Variants in SULT6B1 observed in about 807,000 individuals in gnomAD.
SULT6B1 encodes the protein sulfotransferase family 6B member 1.
Under a neutral mutation model 37.2 loss-of-function variants are expected in SULT6B1, and 44 were observed. That is an observed-to-expected ratio of 1.18 (90% CI 0.93 to 1.52). The LOEUF (loss-of-function observed/expected upper bound fraction) is 1.52. SULT6B1 is among the 40% of genes most tolerant of loss of function. The probability of loss-of-function intolerance (pLI) is 0.00; values close to 1 mark genes in which losing one functional copy is unlikely to be tolerated. For synonymous variants in SULT6B1, 140 were observed against 126.0 expected, an observed-to-expected ratio of 1.11 and a Z score of -0.74; for missense variants, 450 against 361.0, an observed-to-expected ratio of 1.25 and a Z score of -2.00.
intron 5 of SULT6B1, among the ~76,000 whole-genome samples, chr2:37,172,728 G>T (rs562446047): frequency 2.6e-5 from 4 of 152,140 alleles, no homozygotes; most frequent in Non-Finnish European, 5.9e-5. Flanking sequence ...GGCTGGTCTC[G>T]AACTCCTGAC....
At chr2:37,177,411 C>CAAAAAAAAAAAAAAAAAAAAAAAAAAAAA (rs57205863) in intron 4 of SULT6B1, among the ~76,000 whole-genome samples, 1 of 76,294 alleles carries the variant, frequency 1.3e-5, no homozygotes, top group Non-Finnish European at 2.4e-5. Flanking sequence ...AATCTTGTCT[C>CAAAAAAAAAAAAAAAAAAAAAAAAAAAAA]AAAAAAAAAA....
chr2:37,171,771 C>G (rs1205074985), intron 5 of SULT6B1, among the ~76,000 whole-genome samples, 181 bp from the exon 6 acceptor site: 8 of 152,060 alleles, frequency 5.3e-5, no homozygotes, highest in Non-Finnish European at 1.2e-4. Context: ...GTAAGATATT[C>G]TGTATTGATT....
intron 3 of SULT6B1, among the ~76,000 whole-genome samples, chr2:37,181,120 C>T (rs1261429738): frequency 6.6e-6 from 1 of 152,124 alleles, no homozygotes; most frequent in Non-Finnish European, 1.5e-5. Flanking sequence ...TTAACTAACA[C>T]CAACAGGATA....
At chr2:37,183,769 G>A (rs1206613507) in intron 2 of SULT6B1, among the ~76,000 whole-genome samples, 1 of 152,034 alleles carries the variant, frequency 6.6e-6, no homozygotes, top group Non-Finnish European at 1.5e-5. Context: ...TCAGCCTCCC[G>A]AGTAGCTGGG....
chr2:37,185,911 A>G (rs1488983477), intron 2 of SULT6B1, among the ~76,000 whole-genome samples: 1 of 152,046 alleles, frequency 6.6e-6, no homozygotes, highest in Non-Finnish European at 1.5e-5. Flanking sequence ...GGTCCATCCT[A>G]CGTTCCTGGG....
chr2:37,181,141 G>C (rs1376644116), intron 3 of SULT6B1, among the ~76,000 whole-genome samples: 1 of 152,152 alleles, frequency 6.6e-6, no homozygotes, highest in African/African-American at 2.4e-5. Flanking sequence ...AAATTGAGTA[G>C]AGATCAATGG....
chr2:37,186,795 G>A (rs534756296), intron 2 of SULT6B1, among the ~76,000 whole-genome samples: 17 of 152,136 alleles, frequency 1.1e-4, no homozygotes, highest in African/African-American at 3.4e-4. Context: ...ACTCAGGAGG[G>A]TGAAGCAGGA....
intron 6 of SULT6B1, 101 bp from the exon 7 acceptor site, chr2:37,168,166 G>T: frequency 8.3e-7 from 1 of 1,203,078 alleles, no homozygotes; most frequent in Non-Finnish European, 1.1e-6. Context: ...TGTTAAAATG[G>T]ACACATGGAA....
At chr2:37,191,532 C>G (rs1005060357), upstream of SULT6B1, among the ~76,000 whole-genome samples, 1 of 152,218 alleles carries the variant, frequency 6.6e-6, no homozygotes, top group Non-Finnish European at 1.5e-5. Context: ...CACAGTGTTA[C>G]AGCCTTTTTT....
rs151096392 is a variant in SULT6B1 at position 37,170,100 on chromosome 2, T to G, written c.781+1334A>C. Among the ~76,000 whole-genome samples, 322 of 152,300 alleles carry G rather than the reference T, an allele frequency of 2.1e-3. 3 individuals carry two copies. The highest frequency in any genetic ancestry group is 7.4e-3 in the African/African-American group (306 of 41,562). On this transcript the variant is annotated intron_variant, in intron 6 of 6. Coordinates refer to ENST00000535679, the MANE Select transcript of SULT6B1 (RefSeq NM_001367551.1). ...ATGGACAAAACCCTGATTTTAATTG[T>G]GTAGTAATATGCCTGGCTTAAAAAA...
chr2:37,168,067 T>G lies in SULT6B1; in HGVS notation c.782-2A>C, dbSNP rs201667256. On this transcript the variant is annotated splice_acceptor_variant, in intron 6 of 6. Transcript: ENST00000535679. LOFTEE classifies it high-confidence loss of function. ...AATTTTTCCAATCACCAACTTCACC[T>G]ACAACACACAAAAAACAGTAGACCC... The G allele has an allele frequency of 3.8e-6, 6 of 1,579,134 alleles. No homozygotes were observed. Among genetic ancestry groups the G allele is most frequent in the Non-Finnish European group, 5.1e-6 (6 of 1,170,420 alleles).
At chr2:37,187,502 G>T (rs747757194) in intron 1 of SULT6B1, 35 bp from the exon 2 acceptor site, 1 of 1,358,978 alleles carries the variant, frequency 7.4e-7, no homozygotes, top group Non-Finnish European at 1.0e-6. Flanking sequence ...AACTCATTAC[G>T]GAGTCTTGAT....
chr2:37,169,463 G>GGTTT (rs1175196166), intron 6 of SULT6B1, among the ~76,000 whole-genome samples: 1 of 151,954 alleles, frequency 6.6e-6, no homozygotes, highest in Admixed American at 6.6e-5. Context: ...TGGGTTTTTT[G>GGTTT]GTTTGTTTGT....
At chr2:37,190,439 T>G (rs1047774499), upstream of SULT6B1, among the ~76,000 whole-genome samples, 2 of 152,232 alleles carry the variant, frequency 1.3e-5, no homozygotes, top group Admixed American at 1.3e-4. Flanking sequence ...CTAACATTAT[T>G]GAGTACTTGC....
intron 4 of SULT6B1, among the ~76,000 whole-genome samples, chr2:37,179,051 T>C (rs1676491362): frequency 6.6e-6 from 1 of 152,200 alleles, no homozygotes; most frequent in Admixed American, 6.5e-5. Flanking sequence ...CCCTGCCTTC[T>C]GGGTATAAGC....
upstream of SULT6B1, among the ~76,000 whole-genome samples, chr2:37,190,805 G>A (rs1358114066): frequency 6.6e-6 from 1 of 152,170 alleles, no homozygotes; most frequent in Non-Finnish European, 1.5e-5. Flanking sequence ...GTAATTGCCT[G>A]TTTGGAGGTC....
In SULT6B1 at chr2:37,181,286, GT is replaced by G. The variant is rs201389299; in HGVS notation, c.403-1703del. The stretch of plus-strand genomic sequence containing the variant: ...CAGTTGCCCTGGCTTGTAGCAATCT[GT>G]AAGTTTACAAAGACATAAATTTGAA... On this transcript the variant is annotated intron_variant, in intron 3 of 6. Coordinates refer to ENST00000535679, the MANE Select transcript of SULT6B1 (RefSeq NM_001367551.1). 6.6e-5 allele frequency among the ~76,000 whole-genome samples: 10 copies of G among 152,300 alleles called. No individual in the cohort carries two copies. The East Asian group carries it at 1.9e-3, about 29-fold the overall frequency.
At chr2:37,181,676 C>A (rs1324028609) in intron 3 of SULT6B1, among the ~76,000 whole-genome samples, 2 of 152,194 alleles carry the variant, frequency 1.3e-5, no homozygotes, top group Non-Finnish European at 2.9e-5. Context: ...GCCACTGCAT[C>A]CAGCCCCTGT....
At chr2:37,188,293 T>C (rs920175586) in intron 1 of SULT6B1, 149 bp downstream of exon 1, 2 of 607,590 alleles carry the variant, frequency 3.3e-6, no homozygotes, top group Non-Finnish European at 5.8e-6. Flanking sequence ...TTTTACAACC[T>C]ACGTACTTAA....
Sources: gnomAD v4.1 joint callset for allele counts (sites outside exome capture counted in the v4.1 genomes callset) on GRCh38, gnomAD v4.1.1 for gene constraint, MANE v1.5 for transcripts, NCBI Gene and HGNC (gene_info 2026-07-23, HGNC 2026-07-21) for gene names.